PTPRE: variants seen among roughly 807,000 people sequenced by gnomAD.
The protein encoded by PTPRE is protein tyrosine phosphatase receptor type E.
PTPRE carries 51 observed loss-of-function variants against 102.0 expected under a neutral mutation model. That is an observed-to-expected ratio of 0.50 (90% CI 0.40 to 0.63). The LOEUF (loss-of-function observed/expected upper bound fraction) is 0.63. PTPRE is among the 30% of genes least tolerant of loss of function. PTPRE has a pLI of 0.00. For synonymous variants in PTPRE, 345 were observed against 348.2 expected (o/e 0.99, Z 0.10); for missense variants, 752 against 915.1 (o/e 0.82, Z 2.30).
intron 6 of PTPRE, 111 bp from the exon 7 acceptor site, chr10:128,056,012 A>G: frequency 2.5e-6 from 2 of 792,356 alleles, no homozygotes; most frequent in East Asian, 5.0e-5. Flanking sequence ...TATGGACAGC[A>G]GGTAGTTTGC....
At chr10:127,912,771 G>C (rs1294355835) in intron 1 of PTPRE, among the ~76,000 whole-genome samples, 1 of 152,248 alleles carries the variant, frequency 6.6e-6, no homozygotes, top group Non-Finnish European at 1.5e-5. Flanking sequence ...TGGACAGCCA[G>C]TCCCACAATG....
At chr10:128,034,759 G>A (rs1345752816) in intron 2 of PTPRE, among the ~76,000 whole-genome samples, 5 of 152,078 alleles carry the variant, frequency 3.3e-5, no homozygotes, top group Non-Finnish European at 5.9e-5. Context: ...ATTAAATGAT[G>A]AGAGCTCACA....
intron 2 of PTPRE, among the ~76,000 whole-genome samples, chr10:128,013,746 A>G (rs1298381500): frequency 1.3e-5 from 2 of 152,162 alleles, no homozygotes; most frequent in Non-Finnish European, 2.9e-5. Flanking sequence ...GGCCCTCCCC[A>G]GACACCACAT....
At position 127,944,865 on chromosome 10, in the gene PTPRE, G is replaced by A. The variant is rs1257363869; in HGVS notation, c.-30-37409G>A. ...AGTGGGCAGATTCCACACATTTTTAGAAAGCCTGAAGATCAGGAATCAGTG... is the reference window on the plus strand; with the variant it reads ...AGTGGGCAGATTCCACACATTTTTAAAAAGCCTGAAGATCAGGAATCAGTG... On this transcript the variant is annotated intron_variant, in intron 1 of 20. Coordinates refer to ENST00000254667, the MANE Select transcript of PTPRE (RefSeq NM_006504.6). The surrounding 1 kb of genome is among the most constrained non-coding windows in gnomAD (Gnocchi z 4.2). Among the ~76,000 whole-genome samples the A allele has an allele frequency of 6.6e-6, 1 of 152,190 alleles. No homozygotes were observed. The highest frequency in any genetic ancestry group is 6.5e-5 in the Admixed American group (1 of 15,284).
chr10:127,907,287 G>T lies in PTPRE; in HGVS notation c.-53G>T. 1 of 984,744 alleles carries T rather than the reference G, an allele frequency of 1.0e-6. No individual in the cohort carries two copies. The highest frequency in any genetic ancestry group is 1.2e-6 in the Non-Finnish European group (1 of 829,738). The allele number at this position is 984,744 out of a possible 1,614,324, so 61.0% of individuals were successfully genotyped here. A position where few individuals can be genotyped will look rare whatever the true frequency, so the allele number is the denominator to read the frequency against. On this transcript the variant is annotated 5_prime_UTR_variant, in exon 1 of 21. Coordinates refer to ENST00000254667, the MANE Select transcript of PTPRE (RefSeq NM_006504.6). This position sits in a 1 kb window ranked among gnomAD's most constrained non-coding sequence, Gnocchi z 4.8. The stretch of plus-strand genomic sequence containing the variant: ...GAGCCTCCGCTGCAGCGCGATCTGC[G>T]CGACCAGACCGGCCCCCCCGAGGTG...
chr10:127,940,473 T>C (rs1054070722), intron 1 of PTPRE, among the ~76,000 whole-genome samples: 1 of 152,136 alleles, frequency 6.6e-6, no homozygotes, highest in Admixed American at 6.5e-5. Context: ...TCAAGTTGCC[T>C]TCCTCTGGGA....
intron 6 of PTPRE, among the ~76,000 whole-genome samples, chr10:128,054,843 G>A (rs546602496): frequency 7.2e-4 from 109 of 152,196 alleles, no homozygotes; most frequent in African/African-American, 2.3e-3. Context: ...CCAAAGCTAC[G>A]CAGTGAGGCC....
chr10:127,964,265 G>T (rs1486184311), intron 1 of PTPRE, among the ~76,000 whole-genome samples: 1 of 152,234 alleles, frequency 6.6e-6, no homozygotes, highest in East Asian at 1.9e-4. Context: ...TGCCTCCCGG[G>T]TTCCAGCAAT....
intron 2 of PTPRE, among the ~76,000 whole-genome samples, chr10:128,021,687 G>C (rs571706081): frequency 9.1e-4 from 138 of 152,362 alleles, no homozygotes; most frequent in African/African-American, 3.1e-3. Flanking sequence ...GTCAGTCAGA[G>C]ACAGCGCCTG....
At chr10:127,960,849 C>G (rs903798866) in intron 1 of PTPRE, among the ~76,000 whole-genome samples, 1 of 151,896 alleles carries the variant, frequency 6.6e-6, no homozygotes, top group African/African-American at 2.4e-5. Flanking sequence ...GAAACCCCGT[C>G]TCTACTAAAA....
At chr10:127,990,810 A>T (rs955127211) in intron 2 of PTPRE, among the ~76,000 whole-genome samples, 1 of 152,244 alleles carries the variant, frequency 6.6e-6, no homozygotes, top group African/African-American at 2.4e-5. Context: ...AAGAAGCAAG[A>T]ACATTTTTTT....
rs746807690 is a variant in PTPRE, at chr10:128,066,098, C to T, written c.747C>T (p.Pro249=). The change falls in exon 11 of 21, where the codon CCC becomes CCT. Residue 249 remains proline (P), a synonymous_variant. Transcript: ENST00000254667. Reference sequence around the variant, plus strand: ...AGGAAAAGTGCCATCAGTACTGGCCCGACCAAGGCTGCTGGACCTATGGAA... The same window carrying T: ...AGGAAAAGTGCCATCAGTACTGGCCTGACCAAGGCTGCTGGACCTATGGAA... ...RKEEKCHQYW[P]DQGCWTYGNI... is the part of the protein sequence containing the mutation. The T allele has an allele frequency of 8.7e-6, 14 of 1,614,026 alleles. No homozygotes were observed. The highest frequency in any genetic ancestry group is 1.3e-5 in the African/African-American group (1 of 74,898).
At chr10:127,938,382 G>A (rs559756411) in intron 1 of PTPRE, among the ~76,000 whole-genome samples, 1 of 152,094 alleles carries the variant, frequency 6.6e-6, no homozygotes, top group Non-Finnish European at 1.5e-5. Context: ...ACATAGACAA[G>A]TGAGCTGACA....
intron 1 of PTPRE, among the ~76,000 whole-genome samples, chr10:127,935,587 T>A (rs1229930128): frequency 6.6e-6 from 1 of 152,026 alleles, no homozygotes; most frequent in Non-Finnish European, 1.5e-5. Context: ...CCCTTTCATC[T>A]CCCTGGCAGG....
chr10:128,025,353 C>G (rs993063048), intron 2 of PTPRE, among the ~76,000 whole-genome samples: 1 of 152,156 alleles, frequency 6.6e-6, no homozygotes, highest in Non-Finnish European at 1.5e-5. Flanking sequence ...GCTTCTCTGT[C>G]TTAGCTTTGC....
intron 15 of PTPRE, chr10:128,071,556 A>G (rs1427310474): frequency 6.5e-6 from 1 of 154,640 alleles, no homozygotes; most frequent in Non-Finnish European, 1.4e-5. Flanking sequence ...AAACTTGAGA[A>G]ACCCGGCCCC....
In PTPRE at chr10:128,028,520, G is replaced by A. The variant is rs1846449855; in HGVS notation, c.-7-12355G>A. The stretch of plus-strand genomic sequence containing the variant: ...GGTGAGATGGTACACAGCACACCTG[G>A]CCCTGGCTCAGCCCCCCAATGTGGA... On this transcript the variant is annotated intron_variant, in intron 2 of 20. Coordinates refer to ENST00000254667, the MANE Select transcript of PTPRE (RefSeq NM_006504.6). The surrounding 1 kb of genome is among the most constrained non-coding windows in gnomAD (Gnocchi z 4.5). Among the ~76,000 whole-genome samples, 1 of 152,164 alleles carries A rather than the reference G, an allele frequency of 6.6e-6. No homozygotes were observed. The highest frequency in any genetic ancestry group is 2.1e-4 in the South Asian group (1 of 4,834).
chr10:127,917,362 C>T (rs746361584), intron 1 of PTPRE, among the ~76,000 whole-genome samples: 37 of 152,084 alleles, frequency 2.4e-4, no homozygotes, highest in Admixed American at 3.9e-4. Flanking sequence ...TGCTTCACTG[C>T]GCTAAACTGT....
At chr10:128,014,786 C>T (rs983754940) in intron 2 of PTPRE, among the ~76,000 whole-genome samples, 2 of 152,072 alleles carry the variant, frequency 1.3e-5, no homozygotes, top group African/African-American at 2.4e-5. Context: ...TCAGCGGAGC[C>T]CTCTGCATTT....
Sources: allele counts gnomAD v4.1 joint callset (sites outside exome capture counted in the v4.1 genomes callset), GRCh38; gene constraint gnomAD v4.1.1; non-coding constraint Gnocchi (gnomAD v3.1); transcripts MANE v1.5; gene names NCBI Gene and HGNC (gene_info 2026-07-23, HGNC 2026-07-21).